Variants in LDLRAD4 observed in about 807,000 individuals in gnomAD.
The protein encoded by LDLRAD4 is low-density lipoprotein receptor class A domain-containing protein 4.
A neutral mutation model predicts 17.0 loss-of-function variants in LDLRAD4; 5 were observed. The ratio of observed to expected loss-of-function variants is 0.29; its 90% CI spans 0.15 to 0.62. The LOEUF is 0.62. LDLRAD4 is among the 20% of genes least tolerant of loss of function. The pLI is 0.84. For missense variants in LDLRAD4, 340 were observed against 424.7 expected (o/e 0.80, Z 1.75); for synonymous variants, 168 against 171.8 (o/e 0.98, Z 0.17).
At chr18:13,294,604 G>A (rs1177378074) in intron 1 of LDLRAD4, among the ~76,000 whole-genome samples, 1 of 152,174 alleles carries the variant, frequency 6.6e-6, no homozygotes, top group Non-Finnish European at 1.5e-5. Flanking sequence ...CTTCCTAGGC[G>A]GTGGAGCTGT....
intron 3 of LDLRAD4, among the ~76,000 whole-genome samples, chr18:13,494,148 A>G (rs1477335107): frequency 6.6e-6 from 1 of 152,220 alleles, no homozygotes; most frequent in Non-Finnish European, 1.5e-5. Context: ...AGGAGGCATC[A>G]TGGTTGACAG....
chr18:13,470,932 C>G (rs1196538605), intron 3 of LDLRAD4: 1 of 152,198 alleles, frequency 6.6e-6, no homozygotes, highest in Non-Finnish European at 1.5e-5. Flanking sequence ...CCCTCTCCCT[C>G]TCCACCGGCC....
intron 4 of LDLRAD4, chr18:13,642,479 C>G (rs560732070): frequency 1.7e-6 from 2 of 1,211,790 alleles, no homozygotes; most frequent in South Asian, 4.3e-5. Flanking sequence ...TCAATCTGGC[C>G]AAACGTTTTT....
intron 1 of LDLRAD4, chr18:13,279,446 T>C (rs2045111300): frequency 6.6e-6 from 1 of 152,232 alleles, no homozygotes; most frequent in Non-Finnish European, 1.5e-5. Context: ...TTGTCTCAAA[T>C]ACAGTTGCCA....
intron 3 of LDLRAD4, among the ~76,000 whole-genome samples, chr18:13,595,540 G>A (rs994466460): frequency 6.6e-6 from 1 of 151,976 alleles, no homozygotes; most frequent in Non-Finnish European, 1.5e-5. Flanking sequence ...TTTGAGATGA[G>A]GTCTCACTAT....
At position 13,621,246 on chromosome 18, in the gene LDLRAD4, G is replaced by A. The variant is rs376216233; in HGVS notation, c.311G>A (p.Arg104Gln). The A allele has an allele frequency of 2.7e-5, 43 of 1,613,124 alleles. No homozygotes were observed. Among genetic ancestry groups the A allele is most frequent in the Non-Finnish European group, 3.2e-5 (38 of 1,179,918 alleles). ...TTCATCAACCGCCCGAACCAGAGCC[G>A]GAGGCGGGAGGACGGGCTGCCGCAG... The change falls in exon 4 of 6, where the codon CGG (arginine) becomes CAG (glutamine). Residue 104 changes from arginine to glutamine, a missense_variant. Arg to Gln is a conservative substitution (Grantham distance 43). Coordinates refer to ENST00000359446, the Ensembl canonical transcript of LDLRAD4. This position sits in a 1 kb window ranked among gnomAD's most constrained non-coding sequence, Gnocchi z 5.5.
At chr18:13,401,070 G>T (rs567786909) in intron 2 of LDLRAD4, among the ~76,000 whole-genome samples, 1 of 152,190 alleles carries the variant, frequency 6.6e-6, no homozygotes, top group Admixed American at 6.5e-5. Flanking sequence ...TGATAGGAGG[G>T]CAAGGTGAGG....
At position 13,440,310 on chromosome 18, in the gene LDLRAD4, C is replaced by T. The variant is rs1360026709; in HGVS notation, c.181+1926C>T. On this transcript the variant is annotated intron_variant, in intron 3 of 5. Coordinates refer to ENST00000359446, the Ensembl canonical transcript of LDLRAD4. The surrounding 1 kb of genome is among the most constrained non-coding windows in gnomAD (Gnocchi z 4.4). ...CTCCCTTTCTTGTCAGTATTCTTTCCGGTTTTTGAGGCCTATCTCCAGATC... is the reference window on the plus strand; with the variant it reads ...CTCCCTTTCTTGTCAGTATTCTTTCTGGTTTTTGAGGCCTATCTCCAGATC... 1.3e-5 allele frequency among the ~76,000 whole-genome samples: 2 copies of T among 152,212 alleles called. No homozygotes were observed. The highest frequency in any genetic ancestry group is 4.2e-4 in the South Asian group (2 of 4,806).
chr18:13,368,661 G>A (rs543358855), intron 1 of LDLRAD4, among the ~76,000 whole-genome samples: 1 of 152,332 alleles, frequency 6.6e-6, no homozygotes, highest in Non-Finnish European at 1.5e-5. Flanking sequence ...GATTTCTCCA[G>A]TCACTTTTAT....
intron 3 of LDLRAD4, among the ~76,000 whole-genome samples, chr18:13,603,092 C>G (rs1367558943): frequency 3.3e-5 from 5 of 152,136 alleles, no homozygotes; most frequent in Non-Finnish European, 5.9e-5. Context: ...TTTTTATACT[C>G]TATTACAGAA....
intron 3 of LDLRAD4, among the ~76,000 whole-genome samples, chr18:13,596,187 C>T (rs771931843): frequency 7.2e-5 from 11 of 152,014 alleles, no homozygotes; most frequent in South Asian, 2.1e-4. Context: ...TTAGTATGGT[C>T]GCACCAGTTT....
At chr18:13,601,318 A>G (rs1047342484) in intron 3 of LDLRAD4, among the ~76,000 whole-genome samples, 5 of 152,270 alleles carry the variant, frequency 3.3e-5, no homozygotes, top group Non-Finnish European at 5.9e-5. Flanking sequence ...GGCAAAGGAC[A>G]TGAACAAACA....
intron 3 of LDLRAD4, among the ~76,000 whole-genome samples, chr18:13,559,048 C>T (rs9949664): frequency 9.1e-4 from 139 of 152,300 alleles, no homozygotes; most frequent in African/African-American, 3.3e-3. Flanking sequence ...GAATGTAGTA[C>T]CCCACTGGCT....
At chr18:13,288,479 C>T (rs1474800520) in intron 1 of LDLRAD4, among the ~76,000 whole-genome samples, 1 of 152,178 alleles carries the variant, frequency 6.6e-6, no homozygotes, top group African/African-American at 2.4e-5. Context: ...TTGGCTATTT[C>T]AAGTTAAAAT....
intron 4 of LDLRAD4, among the ~76,000 whole-genome samples, chr18:13,642,928 G>GTTTT (rs113846373): frequency 7.5e-6 from 1 of 133,788 alleles, no homozygotes; most frequent in African/African-American, 2.9e-5. Flanking sequence ...TCTATTTTTT[G>GTTTT]TTTTTTTTTT....
intron 3 of LDLRAD4, among the ~76,000 whole-genome samples, chr18:13,459,685 A>G (rs2092335522): frequency 6.6e-6 from 1 of 152,136 alleles, no homozygotes. Flanking sequence ...ACCCGGTCAA[A>G]TTCGGTGTTT....
At position 13,531,872 on chromosome 18, in the gene LDLRAD4, G is replaced by A. The variant is rs183614923; in HGVS notation, c.182-89245G>A. On this transcript the variant is annotated intron_variant, in intron 3 of 5. Coordinates refer to ENST00000359446, the Ensembl canonical transcript of LDLRAD4. ...GGAGCGGCCATATGCAGGAGGCTGCGCTGAGGATGCAGGGTGGCTGGTGGC... is the reference window on the plus strand; with the variant it reads ...GGAGCGGCCATATGCAGGAGGCTGCACTGAGGATGCAGGGTGGCTGGTGGC... Among the ~76,000 whole-genome samples the A allele has an allele frequency of 8.5e-5, 13 of 152,266 alleles. No individual in the cohort carries two copies. The East Asian group carries it at 1.9e-3, about 23-fold the overall frequency.
chr18:13,636,205 A>T (rs1208827867), intron 4 of LDLRAD4, among the ~76,000 whole-genome samples: 1 of 151,942 alleles, frequency 6.6e-6, no homozygotes, highest in African/African-American at 2.4e-5. Context: ...TGGTTCTAGG[A>T]CCTCCAAATA....
chr18:13,467,245 A>G (rs1001546370), intron 3 of LDLRAD4, among the ~76,000 whole-genome samples: 4 of 152,240 alleles, frequency 2.6e-5, no homozygotes, highest in South Asian at 2.1e-4. Flanking sequence ...TGTATAGAGT[A>G]TCTCCGAGAT....
Sources: gnomAD v4.1 joint callset for allele counts (sites outside exome capture counted in the v4.1 genomes callset) on GRCh38, gnomAD v4.1.1 for gene constraint, Gnocchi (gnomAD v3.1) non-coding constraint, MANE v1.5 for transcripts, NCBI Gene and HGNC (gene_info 2026-07-23, HGNC 2026-07-21) for gene names.